The following COL8A1 variants were observed in gnomAD, a reference collection of about 807,000 sequenced individuals.
COL8A1 encodes collagen alpha-1(VIII) chain.
COL8A1 carries 21 observed loss-of-function variants against 42.7 expected under a neutral mutation model. The ratio of observed to expected loss-of-function variants is 0.49; its 90% CI spans 0.35 to 0.71. COL8A1 has a LOEUF of 0.71. Among genes scored for constraint, COL8A1 ranks in the 30% least tolerant of loss-of-function variants. COL8A1 has a pLI of 0.01. For synonymous variants in COL8A1, 367 were observed against 369.1 expected, an observed-to-expected ratio of 0.99 and a Z score of 0.06; for missense variants, 788 against 962.4, an observed-to-expected ratio of 0.82 and a Z score of 2.40.
rs754395320 is a variant in COL8A1 at position 99,779,179 on chromosome 3, G to C, written c.-3-11501G>C. Among the ~76,000 whole-genome samples the C allele has an allele frequency of 6.5e-4, 99 of 152,304 alleles. 1 individual carries two copies. The highest frequency in any genetic ancestry group is 2.6e-3 in the Admixed American group (40 of 15,290). ...CTATGTATAAAAAGAAGTATATACTGAATTAAGTCTGTGTTTTTTCATACA... is the reference window on the plus strand; with the variant it reads ...CTATGTATAAAAAGAAGTATATACTCAATTAAGTCTGTGTTTTTTCATACA... On this transcript the variant is annotated intron_variant, in intron 2 of 3. Coordinates refer to ENST00000652472, the MANE Select transcript of COL8A1 (RefSeq NM_020351.4).
At chr3:99,735,611 T>C (rs1291305113) in intron 1 of COL8A1, among the ~76,000 whole-genome samples, 3 of 149,850 alleles carry the variant, frequency 2.0e-5, no homozygotes, top group African/African-American at 7.4e-5. Flanking sequence ...TCTAAAATTC[T>C]CTTTTTTTGT....
At chr3:99,790,483 A>G (rs1234927079) in intron 2 of COL8A1, among the ~76,000 whole-genome samples, 197 bp from the exon 3 acceptor site, 1 of 152,228 alleles carries the variant, frequency 6.6e-6, no homozygotes, top group East Asian at 1.9e-4. Context: ...CCTTTATTTG[A>G]CAGATTCCAC....
chr3:99,725,849 A>C (rs1940300051), intron 1 of COL8A1, among the ~76,000 whole-genome samples: 1 of 151,988 alleles, frequency 6.6e-6, no homozygotes, highest in African/African-American at 2.4e-5. Context: ...AGTCTTTGCT[A>C]TTGTGAATAG....
intron 2 of COL8A1, among the ~76,000 whole-genome samples, chr3:99,745,307 A>G (rs550821028): frequency 3.5e-4 from 53 of 152,328 alleles, no homozygotes; most frequent in Middle Eastern, 3.4e-3. Context: ...AATCATTTCC[A>G]TAGAACTTGA....
At chr3:99,686,155 AAAC>A (rs1224365485) in intron 1 of COL8A1, among the ~76,000 whole-genome samples, 2 of 151,740 alleles carry the variant, frequency 1.3e-5, no homozygotes, top group East Asian at 3.9e-4. Context: ...CAGTAAATTT[AAAC>A]AACATGTCGC....
At chr3:99,678,197 T>C (rs1024393270) in intron 1 of COL8A1, 2 of 152,072 alleles carry the variant, frequency 1.3e-5, no homozygotes, top group African/African-American at 4.8e-5. Context: ...CCCTTTAACA[T>C]GCGGGTGAGC....
chr3:99,669,146 TAGAGGGAGAGAG>T lies in COL8A1; in HGVS notation c.-129+30487_-129+30498del, dbSNP rs1420246774. 2.1e-3 allele frequency among the ~76,000 whole-genome samples: 244 copies of T among 115,386 alleles called. 5 individuals carry two copies. The highest frequency in any genetic ancestry group is 7.0e-3 in the African/African-American group (231 of 32,872). 75.7% of individuals were successfully genotyped at this position (115,386 alleles called of 152,430 possible). A position where few individuals can be genotyped will look rare whatever the true frequency, so the allele number is the denominator to read the frequency against. On this transcript the variant is annotated intron_variant, in intron 1 of 3. Coordinates refer to ENST00000652472, the MANE Select transcript of COL8A1 (RefSeq NM_020351.4). ...AATTATATATATATATATATATATA[TAGAGGGAGAGAG>T]AGAGAGAGAGAGAGAGAGAGAGAGG... is the stretch of plus-strand genomic sequence containing the variant.
chr3:99,655,952 A>G (rs1938008662), intron 1 of COL8A1, among the ~76,000 whole-genome samples: 1 of 152,230 alleles, frequency 6.6e-6, no homozygotes, highest in South Asian at 2.1e-4. Context: ...AAGAAGCTAT[A>G]CAAACACAAG....
intron 2 of COL8A1, among the ~76,000 whole-genome samples, chr3:99,763,840 T>C (rs978983745): frequency 2.3e-4 from 35 of 152,156 alleles, no homozygotes; most frequent in Non-Finnish European, 2.2e-4. Flanking sequence ...ACCCCAGTAG[T>C]TGGAGGCCTC....
chr3:99,776,965 G>A (rs1329674927), intron 2 of COL8A1, among the ~76,000 whole-genome samples: 2 of 152,216 alleles, frequency 1.3e-5, no homozygotes, highest in Non-Finnish European at 2.9e-5. Flanking sequence ...GTAACGAGCA[G>A]AGAGGAGGGC....
At chr3:99,719,852 A>C (rs1281399821) in intron 1 of COL8A1, among the ~76,000 whole-genome samples, 1 of 152,072 alleles carries the variant, frequency 6.6e-6, no homozygotes, top group East Asian at 1.9e-4. Flanking sequence ...GCAGTGAGGC[A>C]ATGTAAATTA....
intron 1 of COL8A1, among the ~76,000 whole-genome samples, chr3:99,649,400 A>G (rs9810097): frequency 0.31 from 46,658 of 151,696 alleles, 7,661 homozygotes; most frequent in African/African-American, 0.42. Context: ...AAATAGAGGT[A>G]GGGGAATAAA....
rs1365897728 is a variant in COL8A1, at chr3:99,795,440, G to T, written c.1539G>T (p.Gly513=). Residue 513 remains glycine (G), a synonymous_variant, in exon 4 of 4, where the codon GGG becomes GGT. Coordinates refer to ENST00000652472, the MANE Select transcript of COL8A1 (RefSeq NM_020351.4). ...CTAGTGGCCCCATTGGACCACCTGG[G>T]ATTCCAGGCCCCAAAGGGGAGCCGG... ...GGPSGPIGPP[G]IPGPKGEPGL... is the part of the protein sequence containing the mutation. The T allele has an allele frequency of 2.0e-6, 3 of 1,515,720 alleles. No individual in the cohort carries two copies. In the African/African-American group the frequency reaches 4.2e-5, roughly 21 times the overall value. The allele number at this position is 1,515,720 out of a possible 1,614,324, so 93.9% of individuals were successfully genotyped here.
At chr3:99,739,179 C>T (rs747386370) in intron 1 of COL8A1, among the ~76,000 whole-genome samples, 14 of 152,220 alleles carry the variant, frequency 9.2e-5, no homozygotes, top group Admixed American at 2.0e-4. Context: ...AGAAATCACC[C>T]GTCTTCTGCA....
intron 1 of COL8A1, among the ~76,000 whole-genome samples, chr3:99,642,500 CA>C (rs1205149644): frequency 6.6e-6 from 1 of 152,174 alleles, no homozygotes; most frequent in African/African-American, 2.4e-5. Context: ...AGGATAAGAG[CA>C]AAAGCAACAA....
rs968655831 is a variant in COL8A1 at position 99,738,019 on chromosome 3, G to A, written c.-128-6878G>A. Among the ~76,000 whole-genome samples the A allele has an allele frequency of 5.1e-4, 77 of 151,744 alleles. 1 individual carries two copies. The highest frequency in any genetic ancestry group is 6.8e-3 in the Middle Eastern group (2 of 294). On this transcript the variant is annotated intron_variant, in intron 1 of 3. Coordinates refer to ENST00000652472, the MANE Select transcript of COL8A1 (RefSeq NM_020351.4). ...ACCCTTTCTTCCAGTTGATCGCATC[G>A]GCTCCTGAGGCTTCTGCATTCTTCA...
At position 99,795,876 on chromosome 3, in the gene COL8A1, G is replaced by A; in HGVS notation, c.1975G>A (p.Gly659Ser). The change falls in exon 4 of 4, where the codon GGT becomes AGT. Residue 659 changes from glycine to serine, a missense_variant. This residue lies in a region of COL8A1 where 212 missense variants were observed against 210.9 expected (regional missense o/e 1.00). Transcript: ENST00000652472. ...AGGCATCTTCACCTGTGAGGTCCCTGGTGTCTACTACTTTGCATACCACGT... is the reference window on the plus strand; with the variant it reads ...AGGCATCTTCACCTGTGAGGTCCCTAGTGTCTACTACTTTGCATACCACGT... ...QTGIFTCEVP[G>S]VYYFAYHVHC... is the part of the protein sequence containing the mutation. 1 of 1,614,188 alleles carries A rather than the reference G, an allele frequency of 6.2e-7. No homozygotes were observed. The highest frequency in any genetic ancestry group is 8.5e-7 in the Non-Finnish European group (1 of 1,180,022).
intron 1 of COL8A1, among the ~76,000 whole-genome samples, chr3:99,650,138 T>C (rs1325522416): frequency 1.3e-5 from 2 of 152,118 alleles, no homozygotes; most frequent in Admixed American, 1.3e-4. Flanking sequence ...AAACATTCCT[T>C]TTTCCTTTCT....
rs1017920026 is a variant in COL8A1 at position 99,686,867 on chromosome 3, G to A, written c.-129+48203G>A. The stretch of plus-strand genomic sequence containing the variant: ...ATTTTTGTTTGTTTGTTTTTGGGGG[G>A]GGTTCTGTTTGTTTGTTTTTGAGAC... On this transcript the variant is annotated intron_variant, in intron 1 of 3. Transcript: ENST00000652472. Among the ~76,000 whole-genome samples, 4 of 151,950 alleles carry A rather than the reference G, an allele frequency of 2.6e-5. No individual in the cohort carries two copies. In the East Asian group the frequency reaches 5.8e-4, roughly 22 times the overall value.
Sources: allele counts gnomAD v4.1 joint callset (sites outside exome capture counted in the v4.1 genomes callset), GRCh38; gene constraint gnomAD v4.1.1; regional missense constraint gnomAD v4.1.1; transcripts MANE v1.5; gene names NCBI Gene and HGNC (gene_info 2026-07-23, HGNC 2026-07-21).